CDC42SE2: variants seen among roughly 807,000 people sequenced by gnomAD.
CDC42SE2 encodes CDC42 small effector protein 2.
A neutral mutation model predicts 11.5 loss-of-function variants in CDC42SE2; 3 were observed. The ratio of observed to expected loss-of-function variants is 0.26; its 90% CI spans 0.12 to 0.67. CDC42SE2 has a LOEUF of 0.67. CDC42SE2 is among the 30% of genes least tolerant of loss of function. The pLI, the probability that CDC42SE2 is intolerant of heterozygous loss-of-function variation, is 0.80. For missense variants in CDC42SE2, 82 were observed against 106.8 expected (o/e 0.77, Z 1.02); for synonymous variants, 33 against 34.8 (o/e 0.95, Z 0.18).
intron 3 of CDC42SE2, among the ~76,000 whole-genome samples, chr5:131,364,579 A>AT (rs967343014): frequency 2.0e-5 from 3 of 152,146 alleles, no homozygotes; most frequent in Non-Finnish European, 2.9e-5. Flanking sequence ...GAACATACCT[A>AT]TTTTTTCTAG....
chr5:131,358,541 G>T lies in CDC42SE2; in HGVS notation c.-285-668G>T, dbSNP rs117344665. ...TTTGTCCAACTGCAGATAGAACATTGCCTGACAAGGATTCTGATAGACTCA... is the reference window on the plus strand; with the variant it reads ...TTTGTCCAACTGCAGATAGAACATTTCCTGACAAGGATTCTGATAGACTCA... On this transcript the variant is annotated intron_variant, in intron 2 of 4. Coordinates refer to ENST00000505065, the MANE Select transcript of CDC42SE2 (RefSeq NM_001375635.1). Among the ~76,000 whole-genome samples, 34 of 152,254 alleles carry T rather than the reference G, an allele frequency of 2.2e-4. No homozygotes were observed. The East Asian group carries it at 4.4e-3, about 20-fold the overall frequency.
chr5:131,349,993 AAGG>A (rs1256182024), intron 2 of CDC42SE2, among the ~76,000 whole-genome samples: 1 of 152,156 alleles, frequency 6.6e-6, no homozygotes, highest in Non-Finnish European at 1.5e-5. Flanking sequence ...AATCAAGAAT[AAGG>A]AGAACATAAA....
At position 131,391,222 on chromosome 5, in the gene CDC42SE2, A is replaced by C; in HGVS notation, c.*131A>C. ...AATGGTGAACTTATTGGGAAAGGCA[A>C]AATTACTCAGCTAAGTGTAGTTTCT... On this transcript the variant is annotated 3_prime_UTR_variant, in exon 5 of 5. Coordinates refer to ENST00000505065, the MANE Select transcript of CDC42SE2 (RefSeq NM_001375635.1). 1 of 331,694 alleles carries C rather than the reference A, an allele frequency of 3.0e-6. No individual in the cohort carries two copies. Among genetic ancestry groups the C allele is most frequent in the African/African-American group, 2.2e-5 (1 of 46,004 alleles). 20.5% of individuals were successfully genotyped at this position (331,694 alleles called of 1,614,324 possible).
intron 2 of CDC42SE2, among the ~76,000 whole-genome samples, chr5:131,353,407 G>A (rs1435131364): frequency 6.6e-6 from 1 of 151,762 alleles, no homozygotes; most frequent in East Asian, 1.9e-4. Context: ...TCAGCCACCT[G>A]AGTAGCTGGG....
intron 3 of CDC42SE2, among the ~76,000 whole-genome samples, chr5:131,368,447 T>C (rs1258727884): frequency 6.6e-6 from 1 of 152,112 alleles, no homozygotes; most frequent in Non-Finnish European, 1.5e-5. Context: ...GGAGGGCAGA[T>C]CCCTTTGTCT....
the CDC42SE2 span, among the ~76,000 whole-genome samples, chr5:131,225,789 A>G: frequency 1.3e-5 from 2 of 152,178 alleles, no homozygotes; most frequent in Non-Finnish European, 2.9e-5. Flanking sequence ...AGCAGGCCTC[A>G]GGAGGTCAGT....
At chr5:131,365,180 C>T (rs1749818122) in intron 3 of CDC42SE2, among the ~76,000 whole-genome samples, 1 of 151,988 alleles carries the variant, frequency 6.6e-6, no homozygotes, top group Non-Finnish European at 1.5e-5. Flanking sequence ...ATCCCAGCTA[C>T]TCGGGAGGCT....
intron 3 of CDC42SE2, among the ~76,000 whole-genome samples, chr5:131,360,110 C>T (rs1749666137): frequency 6.6e-6 from 1 of 152,148 alleles, no homozygotes; most frequent in South Asian, 2.1e-4. Context: ...AAATCCTGCC[C>T]TCCAGCCTCC....
intron 2 of CDC42SE2, among the ~76,000 whole-genome samples, chr5:131,325,211 G>C (rs1561585105): frequency 6.6e-6 from 1 of 152,140 alleles, no homozygotes; most frequent in East Asian, 1.9e-4. Context: ...TTCCAGAAGT[G>C]ATAATGATGC....
upstream of CDC42SE2, among the ~76,000 whole-genome samples, chr5:131,260,700 G>A (rs1357962537): frequency 6.6e-6 from 1 of 151,190 alleles, no homozygotes; most frequent in African/African-American, 2.4e-5. Context: ...TTGGGAGGCC[G>A]AGGCAGGCGG....
At chr5:131,379,660 T>A (rs1750261244) in intron 3 of CDC42SE2, among the ~76,000 whole-genome samples, 1 of 152,200 alleles carries the variant, frequency 6.6e-6, no homozygotes, top group African/African-American at 2.4e-5. Flanking sequence ...TAATGTCCCC[T>A]CCACACTAAC....
At chr5:131,354,450 T>C (rs753313017) in intron 2 of CDC42SE2, among the ~76,000 whole-genome samples, 28 of 152,194 alleles carry the variant, frequency 1.8e-4, no homozygotes, top group Non-Finnish European at 3.1e-4. Context: ...GTTTCCTTGC[T>C]TTAATTTTAT....
At chr5:131,230,168 T>G in the CDC42SE2 span, among the ~76,000 whole-genome samples, 1 of 152,320 alleles carries the variant, frequency 6.6e-6, no homozygotes, top group East Asian at 1.9e-4. Context: ...TGTCGCCTCC[T>G]TTTAATTTCG....
chr5:131,330,348 A>G (rs1019168836), intron 2 of CDC42SE2, among the ~76,000 whole-genome samples: 3 of 152,158 alleles, frequency 2.0e-5, no homozygotes, highest in Admixed American at 1.3e-4. Flanking sequence ...TGGAGGAATA[A>G]CCAAGAATAA....
chr5:131,334,732 G>C (rs1371252327), intron 2 of CDC42SE2, among the ~76,000 whole-genome samples: 4 of 152,146 alleles, frequency 2.6e-5, no homozygotes, highest in African/African-American at 9.7e-5. Flanking sequence ...ATTTCTTCTA[G>C]ATTTTCTAGT....
chr5:131,352,863 T>C (rs181993817), intron 2 of CDC42SE2, among the ~76,000 whole-genome samples: 127 of 152,342 alleles, frequency 8.3e-4, no homozygotes, highest in Non-Finnish European at 9.1e-4. Context: ...CCCAGTAATT[T>C]TACCAGTTCT....
intron 3 of CDC42SE2, among the ~76,000 whole-genome samples, chr5:131,361,349 A>G (rs987160140): frequency 1.3e-5 from 2 of 152,176 alleles, no homozygotes; most frequent in Non-Finnish European, 2.9e-5. Context: ...AGGATTTGCA[A>G]CTTGAGTTTC....
chr5:131,258,626 C>A (rs1261425621), intron 2 of CDC42SE2, among the ~76,000 whole-genome samples: 1 of 152,158 alleles, frequency 6.6e-6, no homozygotes, highest in Admixed American at 6.5e-5. Flanking sequence ...CCTTCCACTT[C>A]CCATCCCCAG....
chr5:131,252,097 G>GAAGGAAGA (rs1446379357), intron 1 of CDC42SE2, among the ~76,000 whole-genome samples: 1 of 151,194 alleles, frequency 6.6e-6, no homozygotes, highest in Non-Finnish European at 1.5e-5. Context: ...AGGAAGGAAG[G>GAAGGAAGA]AAGGAAGGAA....
Sources: gnomAD v4.1 joint callset for allele counts (sites outside exome capture counted in the v4.1 genomes callset) on GRCh38, gnomAD v4.1.1 for gene constraint, MANE v1.5 for transcripts, NCBI Gene and HGNC (gene_info 2026-07-23, HGNC 2026-07-21) for gene names.